The following ASTN1 variants were observed in gnomAD, a reference collection of about 807,000 sequenced individuals.
ASTN1 encodes the protein astrotactin-1.
In ASTN1, 41 loss-of-function variants were observed where a neutral mutation model predicts 140.7. That is an observed-to-expected ratio of 0.29 (90% CI 0.23 to 0.38). The LOEUF is 0.38. Ranked by LOEUF, ASTN1 falls within the 10% of genes least tolerant of loss-of-function variation. The pLI is 1.00. For missense variants in ASTN1, 1,479 were observed against 1,678.8 expected, an observed-to-expected ratio of 0.88 and a Z score of 2.08; for synonymous variants, 640 against 652.2, an observed-to-expected ratio of 0.98 and a Z score of 0.29.
intron 7 of ASTN1, among the ~76,000 whole-genome samples, chr1:177,021,224 G>A (rs917649140): frequency 2.0e-5 from 3 of 152,206 alleles, no homozygotes; most frequent in Non-Finnish European, 2.9e-5. Context: ...TTGTCTTGGG[G>A]TTTGGGAGAT....
At chr1:176,930,532 G>T (rs935832630) in intron 16 of ASTN1, among the ~76,000 whole-genome samples, 3 of 152,106 alleles carry the variant, frequency 2.0e-5, no homozygotes, top group African/African-American at 7.2e-5. Flanking sequence ...AAAAGAATGA[G>T]AAATAAAGGC....
chr1:176,868,968 T>C lies in ASTN1; in HGVS notation c.3523A>G (p.Thr1175Ala). 1 of 1,612,192 alleles carries C rather than the reference T, an allele frequency of 6.2e-7. No homozygotes were observed. The highest frequency in any genetic ancestry group is 8.5e-7 in the Non-Finnish European group (1 of 1,178,776). The stretch of plus-strand genomic sequence containing the variant: ...AGATCCAGGAGGGTGTTGTAGGCGG[T>C]CTGCTGCTCCTTCCCACTAGTGTAG... Reference protein sequence around the residue: ...NGYTSGKEQQTAYNTLLDLGS... With the variant: ...NGYTSGKEQQAAYNTLLDLGS... The change falls in exon 22 of 23, where the codon ACC becomes GCC. Residue 1175 changes from threonine (T) to alanine (A), a missense_variant. Physicochemically the swap from Thr to Ala is moderately conservative, Grantham distance 58. Around this residue, in one of 3 missense-constraint regions of ASTN1, gnomAD observed 746 missense variants for 800.9 expected, o/e 0.93. Coordinates refer to ENST00000361833, the MANE Select transcript of ASTN1 (RefSeq NM_004319.3).
intron 1 of ASTN1, among the ~76,000 whole-genome samples, chr1:177,157,668 AG>A (rs1683299684): frequency 6.6e-6 from 1 of 152,112 alleles, no homozygotes; most frequent in Admixed American, 6.5e-5. Context: ...AAGGAAAACA[AG>A]TATCAGGAAC....
At chr1:177,088,926 A>C (rs1044056221) in intron 1 of ASTN1, among the ~76,000 whole-genome samples, 1 of 152,140 alleles carries the variant, frequency 6.6e-6, no homozygotes, top group African/African-American at 2.4e-5. Flanking sequence ...CCTTAAGGTT[A>C]ATAACAGTAA....
At chr1:176,958,323 T>C in intron 10 of ASTN1, 22 bp downstream of exon 10, 1 of 1,613,356 alleles carries the variant, frequency 6.2e-7, no homozygotes, top group Non-Finnish European at 8.5e-7. Context: ...ATTGCAGGCC[T>C]CAGTCCTGAA....
chr1:177,107,164 C>T (rs1241481754), intron 1 of ASTN1, among the ~76,000 whole-genome samples: 2 of 152,124 alleles, frequency 1.3e-5, no homozygotes, highest in Non-Finnish European at 2.9e-5. Flanking sequence ...AAGAATCTCC[C>T]CAGACCTGCT....
intron 12 of ASTN1, 43 bp from the exon 13 acceptor site, chr1:176,946,163 T>C (rs764475208): frequency 5.4e-6 from 8 of 1,477,126 alleles, no homozygotes; most frequent in Non-Finnish European, 7.3e-6. Flanking sequence ...ATTCCATCAA[T>C]GACCCATGCA....
At chr1:177,069,854 A>G (rs951417814) in intron 1 of ASTN1, among the ~76,000 whole-genome samples, 1 of 151,932 alleles carries the variant, frequency 6.6e-6, no homozygotes, top group Non-Finnish European at 1.5e-5. Context: ...CTCATTTGAA[A>G]GGATAAAGAA....
At chr1:176,916,934 C>G (rs949384862) in intron 16 of ASTN1, among the ~76,000 whole-genome samples, 3 of 152,186 alleles carry the variant, frequency 2.0e-5, no homozygotes, top group African/African-American at 7.2e-5. Flanking sequence ...TCCAGCCTCA[C>G]TTCCCCTACT....
intron 1 of ASTN1, among the ~76,000 whole-genome samples, chr1:177,092,272 A>G (rs1679795189): frequency 6.6e-6 from 1 of 152,122 alleles, no homozygotes; most frequent in Admixed American, 6.5e-5. Context: ...GCATCTTTTC[A>G]TCTGCTTGTT....
At chr1:177,004,196 A>C (rs1196715455) in intron 8 of ASTN1, among the ~76,000 whole-genome samples, 1 of 152,160 alleles carries the variant, frequency 6.6e-6, no homozygotes, top group East Asian at 1.9e-4. Context: ...CTGAGAATAA[A>C]ATCAAGAACT....
chr1:176,869,495 A>T (rs1668254713), intron 21 of ASTN1, among the ~76,000 whole-genome samples: 1 of 152,206 alleles, frequency 6.6e-6, no homozygotes, highest in Non-Finnish European at 1.5e-5. Context: ...GGAAAGTGCA[A>T]TCCCAGAGAA....
At chr1:176,944,539 T>C (rs1384101270) in intron 13 of ASTN1, among the ~76,000 whole-genome samples, 1 of 152,168 alleles carries the variant, frequency 6.6e-6, no homozygotes, top group Non-Finnish European at 1.5e-5. Flanking sequence ...GCTGAGATTA[T>C]AGGCGTGAGC....
chr1:177,059,675 A>G lies in ASTN1; in HGVS notation c.471+1403T>C, dbSNP rs77721714. Among the ~76,000 whole-genome samples, 700 of 152,320 alleles carry G rather than the reference A, an allele frequency of 4.6e-3. 4 individuals are homozygous for G. The highest frequency in any genetic ancestry group is 0.016 in the African/African-American group (679 of 41,566). The stretch of plus-strand genomic sequence containing the variant: ...GTTGAGGAAGAAATAGAAGGCTTAC[A>G]TTTTGAGATTTTATCAGAGATTTTA... On this transcript the variant is annotated intron_variant, in intron 2 of 22. Coordinates refer to ENST00000361833, the MANE Select transcript of ASTN1 (RefSeq NM_004319.3).
chr1:177,095,041 G>A (rs1169844733), intron 1 of ASTN1, among the ~76,000 whole-genome samples: 4 of 152,188 alleles, frequency 2.6e-5, no homozygotes, highest in East Asian at 1.9e-4. Flanking sequence ...AATTGTGTTC[G>A]TGTCCCAGTA....
intron 1 of ASTN1, among the ~76,000 whole-genome samples, chr1:177,097,367 C>G (rs1237497265): frequency 1.3e-5 from 2 of 152,176 alleles, no homozygotes; most frequent in East Asian, 3.9e-4. Flanking sequence ...CCCATGAACA[C>G]TGAGGTTAGA....
intron 1 of ASTN1, among the ~76,000 whole-genome samples, chr1:177,142,050 T>C (rs1682496243): frequency 6.6e-6 from 1 of 152,192 alleles, no homozygotes; most frequent in Non-Finnish European, 1.5e-5. Context: ...GGTATCAGTC[T>C]CTAGCAGTAT....
intron 11 of ASTN1, among the ~76,000 whole-genome samples, chr1:176,949,792 T>C (rs907403577): frequency 2.0e-5 from 3 of 152,220 alleles, no homozygotes; most frequent in Non-Finnish European, 4.4e-5. Context: ...TAAAGCCCTT[T>C]GTCAACAATG....
chr1:176,921,556 C>T (rs16850406), intron 16 of ASTN1, among the ~76,000 whole-genome samples: 21,865 of 152,222 alleles, frequency 0.14, 1,668 homozygotes, highest in Admixed American at 0.2. Flanking sequence ...CTATTGTTGA[C>T]TCCTACAACA....
Sources: gnomAD v4.1 joint callset for allele counts (sites outside exome capture counted in the v4.1 genomes callset) on GRCh38, gnomAD v4.1.1 for gene constraint, gnomAD v4.1.1 regional missense constraint, MANE v1.5 for transcripts, NCBI Gene and HGNC (gene_info 2026-07-23, HGNC 2026-07-21) for gene names.